Variants in STUM observed in about 807,000 individuals in gnomAD.
STUM encodes the protein protein stum homolog.
Under a neutral mutation model 15.3 loss-of-function variants are expected in STUM, and 8 were observed. The observed-to-expected ratio is 0.52, with a 90% CI of 0.31 to 0.94. The LOEUF is 0.94. Ranked by LOEUF, STUM falls within the 40% of genes least tolerant of loss-of-function variation. The pLI, the probability that STUM is intolerant of heterozygous loss-of-function variation, is 0.05. For synonymous variants in STUM, 78 were observed against 88.7 expected (o/e 0.88, Z 0.68); for missense variants, 142 against 204.9 (o/e 0.69, Z 1.87).
At chr1:226,562,335 G>T (rs982826349) in intron 1 of STUM, among the ~76,000 whole-genome samples, 1 of 151,978 alleles carries the variant, frequency 6.6e-6, no homozygotes, top group African/African-American at 2.4e-5. Flanking sequence ...CAGGTGTGGT[G>T]GTGCATGCCT....
At chr1:226,596,767 G>A in intron 1 of STUM, 35 bp from the exon 2 acceptor site, 3 of 1,587,996 alleles carry the variant, frequency 1.9e-6, no homozygotes, top group Non-Finnish European at 1.7e-6. Flanking sequence ...GTCTCCCAGT[G>A]CCCTCAGAAG....
intron 1 of STUM, among the ~76,000 whole-genome samples, chr1:226,568,074 G>A (rs1424144427): frequency 6.6e-6 from 1 of 152,110 alleles, no homozygotes; most frequent in Non-Finnish European, 1.5e-5. Context: ...TGCACATCCA[G>A]AAGTTTGCAC....
At chr1:226,592,502 G>A (rs556382568) in intron 1 of STUM, among the ~76,000 whole-genome samples, 1 of 152,346 alleles carries the variant, frequency 6.6e-6, no homozygotes, top group Non-Finnish European at 1.5e-5. Flanking sequence ...GTAAAATGGG[G>A]ATAATAATAA....
chr1:226,587,277 A>G (rs933049647), intron 1 of STUM, among the ~76,000 whole-genome samples: 2 of 152,100 alleles, frequency 1.3e-5, no homozygotes, highest in African/African-American at 4.8e-5. Context: ...AACTGATGTC[A>G]CAGTCAGGAG....
rs771588128 is a variant in STUM at position 226,602,048 on chromosome 1, G to A, written c.*8G>A. ...ATCCCACAGCAGCTGTGAGCCCACG[G>A]GAGCCGCTGGGGAGATCCAGGGGGG... On this transcript the variant is annotated 3_prime_UTR_variant, in exon 4 of 4. Coordinates refer to ENST00000366788, the MANE Select transcript of STUM (RefSeq NM_001003665.4). 1.9e-6 allele frequency: 3 copies of A among 1,605,262 alleles called. No individual in the cohort carries two copies. The highest frequency in any genetic ancestry group is 1.3e-5 in the African/African-American group (1 of 75,058).
chr1:226,597,409 A>T (rs150279263), intron 2 of STUM: 147 of 473,252 alleles, frequency 3.1e-4, no homozygotes, highest in African/African-American at 2.7e-3. Flanking sequence ...GTATTTTCCC[A>T]CGCCCATCTA....
chr1:226,596,882 C>G lies in STUM; in HGVS notation c.283C>G (p.Leu95Val). 6.2e-7 allele frequency: 1 copy of G among 1,614,256 alleles called. No individual in the cohort carries two copies. The highest frequency in any genetic ancestry group is 8.5e-7 in the Non-Finnish European group (1 of 1,180,028). Residue 95 changes from leucine to valine, a missense_variant, in exon 2 of 4, where the codon CTG becomes GTG. This residue lies in a region of STUM where 29 missense variants were observed against 70.5 expected (regional missense o/e 0.41). Coordinates refer to ENST00000366788, the MANE Select transcript of STUM (RefSeq NM_001003665.4). The stretch of plus-strand genomic sequence containing the variant: ...CAGGCATGTGTGCTGCGTCTTCTGG[C>G]TGAACATTGCAGCAGCCCTCATCCA... Reference protein sequence around the residue: ...PDRHVCCVFWLNIAAALIQIL... With the variant: ...PDRHVCCVFWVNIAAALIQIL...
intron 1 of STUM, among the ~76,000 whole-genome samples, chr1:226,582,811 G>A (rs945748747): frequency 3.9e-5 from 6 of 152,288 alleles, no homozygotes; most frequent in African/African-American, 1.4e-4. Flanking sequence ...ACAGACCTCA[G>A]GCCTCTCCCT....
At chr1:226,553,954 C>T (rs1332927602) in intron 1 of STUM, among the ~76,000 whole-genome samples, 1 of 152,098 alleles carries the variant, frequency 6.6e-6, no homozygotes, top group African/African-American at 2.4e-5. Context: ...ATTATTGTTC[C>T]CAATTATTCA....
intron 1 of STUM, among the ~76,000 whole-genome samples, chr1:226,586,990 G>T (rs1668009155): frequency 6.6e-6 from 1 of 152,154 alleles, no homozygotes; most frequent in Non-Finnish European, 1.5e-5. Flanking sequence ...GTCATGGCAG[G>T]CTCGCAGTTA....
chr1:226,601,464 G>A (rs1668261031), intron 3 of STUM, among the ~76,000 whole-genome samples: 1 of 152,154 alleles, frequency 6.6e-6, no homozygotes, highest in Non-Finnish European at 1.5e-5. Flanking sequence ...ACTATCCACA[G>A]AGCTCACTTT....
rs565142986 is a variant in STUM at position 226,569,376 on chromosome 1, G to T, written c.202+20270G>T. Among the ~76,000 whole-genome samples the T allele has an allele frequency of 3.3e-5, 5 of 152,192 alleles. No individual in the cohort carries two copies. In the South Asian group the frequency reaches 8.3e-4, roughly 25 times the overall value. ...GAGAGGCCCAATGCTCTGTGACCCA[G>T]CAGGGCCACTAGGCTGTGAGCCTGT... On this transcript the variant is annotated intron_variant, in intron 1 of 3. Transcript: ENST00000366788.
Position 226,603,017 on chromosome 1 carries a change from A to C in STUM, c.*977A>C, listed in dbSNP as rs1668296999. 6.6e-6 allele frequency: 1 copy of C among 152,234 alleles called. No individual in the cohort carries two copies. Among genetic ancestry groups the C allele is most frequent in the Admixed American group, 6.5e-5 (1 of 15,274 alleles). 9.4% of individuals were successfully genotyped at this position (152,234 alleles called of 1,614,324 possible). Reference sequence around the variant, plus strand: ...GAATATTTCTGCAGAGAAACATGTGACTAGTCCCATTAACTGGGAGCTATA... The same window carrying C: ...GAATATTTCTGCAGAGAAACATGTGCCTAGTCCCATTAACTGGGAGCTATA... On this transcript the variant is annotated 3_prime_UTR_variant, in exon 4 of 4. Transcript: ENST00000366788.
At chr1:226,556,513 A>T (rs773002161) in intron 1 of STUM, among the ~76,000 whole-genome samples, 6 of 152,232 alleles carry the variant, frequency 3.9e-5, no homozygotes, top group Non-Finnish European at 5.9e-5. Context: ...GGAGATGAGC[A>T]ACAGGCTAAA....
intron 1 of STUM, among the ~76,000 whole-genome samples, chr1:226,559,281 A>G (rs1558277823): frequency 6.6e-6 from 1 of 152,176 alleles, no homozygotes; most frequent in Non-Finnish European, 1.5e-5. Context: ...TGAAACCTCA[A>G]CAATGAAAAT....
At chr1:226,569,064 T>G (rs1215252774) in intron 1 of STUM, among the ~76,000 whole-genome samples, 2 of 89,992 alleles carry the variant, frequency 2.2e-5, no homozygotes, top group African/African-American at 2.5e-4. Flanking sequence ...TGGGGATGAC[T>G]TTTTTTTTTT....
At chr1:226,584,073 G>C (rs943771250) in intron 1 of STUM, among the ~76,000 whole-genome samples, 1 of 152,178 alleles carries the variant, frequency 6.6e-6, no homozygotes, top group Non-Finnish European at 1.5e-5. Flanking sequence ...ACACATTCGG[G>C]ATATCTTGTC....
At chr1:226,590,673 A>C (rs1017408941) in intron 1 of STUM, among the ~76,000 whole-genome samples, 1 of 152,036 alleles carries the variant, frequency 6.6e-6, no homozygotes, top group Non-Finnish European at 1.5e-5. Flanking sequence ...TTTAATCTCC[A>C]TGTGAACGGC....
intron 1 of STUM, among the ~76,000 whole-genome samples, chr1:226,559,343 A>G (rs930328336): frequency 4.6e-5 from 7 of 152,160 alleles, no homozygotes; most frequent in South Asian, 2.1e-4. Context: ...AACCCCTTCA[A>G]TTTACGGACA....
Sources: allele counts gnomAD v4.1 joint callset (sites outside exome capture counted in the v4.1 genomes callset), GRCh38; gene constraint gnomAD v4.1.1; regional missense constraint gnomAD v4.1.1; transcripts MANE v1.5; gene names NCBI Gene and HGNC (gene_info 2026-07-23, HGNC 2026-07-21).